The following DCUN1D5 variants were observed in gnomAD, a reference collection of about 807,000 sequenced individuals.
The protein encoded by DCUN1D5 is DCN1-like protein 5.
Under a neutral mutation model 38.3 loss-of-function variants are expected in DCUN1D5, and 10 were observed. That is an observed-to-expected ratio of 0.26 (90% CI 0.16 to 0.44). The LOEUF is 0.44. DCUN1D5 is among the 20% of genes least tolerant of loss of function. The pLI is 1.00. For synonymous variants in DCUN1D5, 93 were observed against 90.9 expected (o/e 1.02, Z -0.13); for missense variants, 148 against 275.3 (o/e 0.54, Z 3.27).
In DCUN1D5 at chr11:103,056,821, GA is replaced by G. The variant is rs1008411825; in HGVS notation, c.*5537del. ...TTTATAAAAGACAGTAAATTTGTCA[GA>G]AAAAAATAAACTATCATAACTAACC... On this transcript the variant is annotated 3_prime_UTR_variant, in exon 8 of 8. Transcript: ENST00000260247. The surrounding 1 kb of genome is among the most constrained non-coding windows in gnomAD (Gnocchi z 4.9). Among the ~76,000 whole-genome samples, 3 of 152,026 alleles carry G rather than the reference GA, an allele frequency of 2.0e-5. No homozygotes were observed. The highest frequency in any genetic ancestry group is 6.6e-5 in the Admixed American group (1 of 15,260).
rs1862217334 is a variant in DCUN1D5 at position 103,069,457 on chromosome 11, TC to T, written c.342-2891del. Among the ~76,000 whole-genome samples, 7 of 152,252 alleles carry T rather than the reference TC, an allele frequency of 4.6e-5. No homozygotes were observed. In the South Asian group the frequency reaches 1.5e-3, roughly 32 times the overall value. ...AAAGACTGAATGGGGACCTAAAATG[TC>T]CACCCTTACCAGGATATAATAAAGC... On this transcript the variant is annotated intron_variant, in intron 4 of 7. Transcript: ENST00000260247.
At chr11:103,072,219 CAAA>C (rs947478049) in intron 4 of DCUN1D5, among the ~76,000 whole-genome samples, 2 of 151,064 alleles carry the variant, frequency 1.3e-5, no homozygotes, top group African/African-American at 4.9e-5. Context: ...TGTAATAAGT[CAAA>C]AAAAAGAAAT....
In DCUN1D5 at chr11:103,091,135, G is replaced by T. The variant is rs1424958193; in HGVS notation, c.86+652C>A. Among the ~76,000 whole-genome samples the T allele has an allele frequency of 3.3e-5, 5 of 152,078 alleles. No homozygotes were observed. The highest frequency in any genetic ancestry group is 7.4e-5 in the Non-Finnish European group (5 of 68,014). Reference sequence around the variant, plus strand: ...GCTGAGAGCTAACAGCGTCCTGAATGCTAGAAGACAAAAAGCATGCAGGGC... The same window carrying T: ...GCTGAGAGCTAACAGCGTCCTGAATTCTAGAAGACAAAAAGCATGCAGGGC... On this transcript the variant is annotated intron_variant, in intron 1 of 7. Coordinates refer to ENST00000260247, the MANE Select transcript of DCUN1D5 (RefSeq NM_032299.4). The surrounding 1 kb of genome is among the most constrained non-coding windows in gnomAD (Gnocchi z 4.3).
At position 103,054,020 on chromosome 11, in the gene DCUN1D5, G is replaced by A. The variant is rs1861810775; in HGVS notation, c.*8339C>T. 1 of 152,138 alleles carries A rather than the reference G, an allele frequency of 6.6e-6. No homozygotes were observed. Among genetic ancestry groups the A allele is most frequent in the South Asian group, 2.1e-4 (1 of 4,832 alleles). The allele number at this position is 152,138 out of a possible 1,614,324, so 9.4% of individuals were successfully genotyped here. On this transcript the variant is annotated 3_prime_UTR_variant, in exon 8 of 8. Coordinates refer to ENST00000260247, the MANE Select transcript of DCUN1D5 (RefSeq NM_032299.4). ...TAGGTACCCTAAAAGGACTAGGGGT[G>A]CAAGAGGACCATGTATGGGAAAACT...
chr11:103,066,069 T>C lies in DCUN1D5; in HGVS notation c.555+200A>G, dbSNP rs1320986124. ...TATTTGGGGGACTGGGGGGGTAGGATTGAAAATATCTTAGGTACAAAATAT... is the reference window on the plus strand; with the variant it reads ...TATTTGGGGGACTGGGGGGGTAGGACTGAAAATATCTTAGGTACAAAATAT... On this transcript the variant is annotated intron_variant, in intron 6 of 7. Transcript: ENST00000260247. The surrounding 1 kb of genome is among the most constrained non-coding windows in gnomAD (Gnocchi z 4.7). 6.6e-6 allele frequency among the ~76,000 whole-genome samples: 1 copy of C among 151,786 alleles called. No individual in the cohort carries two copies. The highest frequency in any genetic ancestry group is 2.4e-5 in the African/African-American group (1 of 41,276).
In DCUN1D5 at chr11:103,066,158, C is replaced by T; in HGVS notation, c.555+111G>A. The T allele has an allele frequency of 3.3e-6, 2 of 610,404 alleles. No individual in the cohort carries two copies. The highest frequency in any genetic ancestry group is 5.3e-6 in the Non-Finnish European group (2 of 375,918). 37.8% of individuals were successfully genotyped at this position (610,404 alleles called of 1,614,324 possible). On this transcript the variant is annotated intron_variant, in intron 6 of 7. Transcript: ENST00000260247. The surrounding 1 kb of genome is among the most constrained non-coding windows in gnomAD (Gnocchi z 4.7). ...ATATGTACATATTTTAGAATTTTTTCTCTAAAGTTTTTTTAAAGCATACTA... is the reference window on the plus strand; with the variant it reads ...ATATGTACATATTTTAGAATTTTTTTTCTAAAGTTTTTTTAAAGCATACTA...
At position 103,078,651 on chromosome 11, in the gene DCUN1D5, T is replaced by C. The variant is rs1212911268; in HGVS notation, c.341+4097A>G. 2.0e-5 allele frequency among the ~76,000 whole-genome samples: 3 copies of C among 152,232 alleles called. No homozygotes were observed. The highest frequency in any genetic ancestry group is 4.4e-5 in the Non-Finnish European group (3 of 68,044). On this transcript the variant is annotated intron_variant, in intron 4 of 7. Coordinates refer to ENST00000260247, the MANE Select transcript of DCUN1D5 (RefSeq NM_032299.4). The surrounding 1 kb of genome is among the most constrained non-coding windows in gnomAD (Gnocchi z 4.6). ...AAGCACTCTACAGTGAAGCCATCAC[T>C]CAAAATATTAGAATTCAAAACCTAT...
In DCUN1D5 at chr11:103,062,431, C is replaced by A; in HGVS notation, c.659-17G>T. 1.2e-6 allele frequency: 2 copies of A among 1,609,244 alleles called. No homozygotes were observed. The highest frequency in any genetic ancestry group is 1.7e-6 in the Non-Finnish European group (2 of 1,178,006). ...GAACAGGCCCTAGAAAAAAAGAAAC[C>A]ATTTTTGTCAGAATTCAGTGAACTC... On this transcript the variant is annotated splice_polypyrimidine_tract_variant and intron_variant, in intron 7 of 7. Transcript: ENST00000260247. The surrounding 1 kb of genome is among the most constrained non-coding windows in gnomAD (Gnocchi z 4.6).
rs1304128365 is a variant in DCUN1D5, at chr11:103,087,167, CTTTT to C, written c.178+2056_178+2059del. On this transcript the variant is annotated intron_variant, in intron 2 of 7. Coordinates refer to ENST00000260247, the MANE Select transcript of DCUN1D5 (RefSeq NM_032299.4). This position sits in a 1 kb window ranked among gnomAD's most constrained non-coding sequence, Gnocchi z 4.1. The stretch of plus-strand genomic sequence containing the variant: ...ATCGTGAAACCCCATTTCTTTTTTT[CTTTT>C]TCTTTTTTTTTTTTTTTGAGGCAGA... 5.5e-3 allele frequency among the ~76,000 whole-genome samples: 797 copies of C among 144,364 alleles called. 3 individuals are homozygous for C. The highest frequency in any genetic ancestry group is 0.02 in the African/African-American group (754 of 37,960). 94.7% of individuals were successfully genotyped at this position (144,364 alleles called of 152,430 possible).
intron 4 of DCUN1D5, among the ~76,000 whole-genome samples, chr11:103,075,843 G>A (rs1862395216): frequency 6.6e-6 from 1 of 152,158 alleles, no homozygotes; most frequent in Non-Finnish European, 1.5e-5. Context: ...GAGGAAACAA[G>A]AAAAATTTAT....
At chr11:103,068,740 C>T (rs192763118) in intron 4 of DCUN1D5, among the ~76,000 whole-genome samples, 1 of 151,774 alleles carries the variant, frequency 6.6e-6, no homozygotes, top group African/African-American at 2.4e-5. Context: ...GAGTACTAGG[C>T]TTAATACCTG....
rs1167010822 is a variant in DCUN1D5, at chr11:103,066,914, G to T, written c.342-347C>A. The stretch of plus-strand genomic sequence containing the variant: ...TTTTATCACATATACAGCTAAAAAT[G>T]GCAGAGCAAATGAAACTAATCACGC... On this transcript the variant is annotated intron_variant, in intron 4 of 7. Coordinates refer to ENST00000260247, the MANE Select transcript of DCUN1D5 (RefSeq NM_032299.4). The surrounding 1 kb of genome is among the most constrained non-coding windows in gnomAD (Gnocchi z 4.7). Among the ~76,000 whole-genome samples, 1 of 152,130 alleles carries T rather than the reference G, an allele frequency of 6.6e-6. No individual in the cohort carries two copies. Among genetic ancestry groups the T allele is most frequent in the African/African-American group, 2.4e-5 (1 of 41,426 alleles).
rs76804407 is a variant in DCUN1D5, at chr11:103,082,069, T to C, written c.341+679A>G. ...CCCTGCAGAAACACTAGAAACATGA[T>C]ACTATACAATTAACACAAAATCACT... On this transcript the variant is annotated intron_variant, in intron 4 of 7. Transcript: ENST00000260247. Among the ~76,000 whole-genome samples the C allele has an allele frequency of 6.6e-5, 10 of 152,268 alleles. No homozygotes were observed. In the East Asian group the frequency reaches 1.9e-3, roughly 29 times the overall value.
chr11:103,091,815 C>A lies in DCUN1D5; in HGVS notation c.58G>T (p.Gly20Ter). The A allele has an allele frequency of 6.2e-7, 1 of 1,614,082 alleles. No individual in the cohort carries two copies. The highest frequency in any genetic ancestry group is 8.5e-7 in the Non-Finnish European group (1 of 1,179,968). ...PGVAAAVAED[G>*]GLKKCKISSY... ...GAGATTTTACACTTTTTGAGGCCTC[C>A]GTCTTCCGCTACTGCTGCTGCCACC... The change falls in exon 1 of 8, where the codon GGA becomes TGA. Residue 20 changes from glycine (G) to a stop codon, truncating the protein, a stop_gained. Transcript: ENST00000260247. LOFTEE classifies it high-confidence loss of function. This position sits in a 1 kb window ranked among gnomAD's most constrained non-coding sequence, Gnocchi z 4.3.
chr11:103,091,649 G>A lies in DCUN1D5; in HGVS notation c.86+138C>T. 2.0e-6 allele frequency: 3 copies of A among 1,528,384 alleles called. No homozygotes were observed. Among genetic ancestry groups the A allele is most frequent in the Non-Finnish European group, 2.7e-6 (3 of 1,124,888 alleles). 94.7% of individuals were successfully genotyped at this position (1,528,384 alleles called of 1,614,324 possible). On this transcript the variant is annotated intron_variant, in intron 1 of 7. Transcript: ENST00000260247. This position sits in a 1 kb window ranked among gnomAD's most constrained non-coding sequence, Gnocchi z 4.3. The stretch of plus-strand genomic sequence containing the variant: ...CGGGCGCGGAGACTCGCGGTGTTCG[G>A]CACCTACAGCCTAGCTCGATCAAAG...
Position 103,075,161 on chromosome 11 carries a change from T to A in DCUN1D5, c.341+7587A>T, listed in dbSNP as rs185462614. Among the ~76,000 whole-genome samples the A allele has an allele frequency of 7.2e-5, 11 of 152,304 alleles. No homozygotes were observed. The East Asian group carries it at 2.1e-3, about 29-fold the overall frequency. ...TTCCACTTATTGCATAAGTTTGTCATCAATGTTTTTAATCTGATTCCCATC... is the reference window on the plus strand; with the variant it reads ...TTCCACTTATTGCATAAGTTTGTCAACAATGTTTTTAATCTGATTCCCATC... On this transcript the variant is annotated intron_variant, in intron 4 of 7. Transcript: ENST00000260247.
rs1183690236 is a variant in DCUN1D5 at position 103,063,527 on chromosome 11, T to C, written c.658+748A>G. On this transcript the variant is annotated intron_variant, in intron 7 of 7. Coordinates refer to ENST00000260247, the MANE Select transcript of DCUN1D5 (RefSeq NM_032299.4). The surrounding 1 kb of genome is among the most constrained non-coding windows in gnomAD (Gnocchi z 4.6). The stretch of plus-strand genomic sequence containing the variant: ...GTTATCCCTTCTTCTGTTATTTTAT[T>C]TTTTCAGTGTCACAGAAAAAAGTGT... 2.0e-5 allele frequency among the ~76,000 whole-genome samples: 3 copies of C among 152,126 alleles called. No individual in the cohort carries two copies. Among genetic ancestry groups the C allele is most frequent in the Non-Finnish European group, 4.4e-5 (3 of 67,986 alleles).
rs1468948186 is a variant in DCUN1D5 at position 103,052,365 on chromosome 11, G to GTAAC, written c.*9990_*9993dup. ...GTAAAATACGGTCCATTTCTTTTAA[G>GTAAC]TAACTTGCAGTCTAGGATCAAAGAG... On this transcript the variant is annotated 3_prime_UTR_variant, in exon 8 of 8. Transcript: ENST00000260247. 2 of 152,176 alleles carry GTAAC rather than the reference G, an allele frequency of 1.3e-5. No homozygotes were observed. Among genetic ancestry groups the GTAAC allele is most frequent in the African/African-American group, 4.8e-5 (2 of 41,446 alleles). 9.4% of individuals were successfully genotyped at this position (152,176 alleles called of 1,614,324 possible). A position where few individuals can be genotyped will look rare whatever the true frequency, so the allele number is the denominator to read the frequency against.
intron 4 of DCUN1D5, among the ~76,000 whole-genome samples, chr11:103,076,490 A>G (rs187801114): frequency 1.3e-5 from 2 of 152,336 alleles, no homozygotes; most frequent in African/African-American, 4.8e-5. Flanking sequence ...CTTAAGAAAT[A>G]AAGTGAAGGG....
Sources: gnomAD v4.1 joint callset for allele counts (sites outside exome capture counted in the v4.1 genomes callset) on GRCh38, gnomAD v4.1.1 for gene constraint, Gnocchi (gnomAD v3.1) non-coding constraint, MANE v1.5 for transcripts, NCBI Gene and HGNC (gene_info 2026-07-23, HGNC 2026-07-21) for gene names.